The following GNG7 variants were observed in gnomAD, a reference collection of about 807,000 sequenced individuals.
GNG7 encodes guanine nucleotide-binding protein G(I)/G(S)/G(O) subunit gamma-7.
In GNG7, 1 loss-of-function variant was observed where a neutral mutation model predicts 4.0. The ratio of observed to expected loss-of-function variants is 0.25; its 90% CI spans 0.09 to 1.18. The LOEUF is 1.18. Ranked by LOEUF, GNG7 falls within the 50% of genes most tolerant of loss-of-function variation. The pLI is 0.50. For missense variants in GNG7, 86 were observed against 91.9 expected (o/e 0.94, Z 0.26); for synonymous variants, 34 against 36.9 (o/e 0.92, Z 0.29).
chr19:2,635,408 C>T (rs1006459892), intron 2 of GNG7, among the ~76,000 whole-genome samples: 3 of 152,196 alleles, frequency 2.0e-5, no homozygotes, highest in East Asian at 1.9e-4. Flanking sequence ...TCAGACACCA[C>T]GACAAACTCC....
intron 1 of GNG7, among the ~76,000 whole-genome samples, chr19:2,682,208 C>A (rs767185461): frequency 1.1e-4 from 16 of 152,094 alleles, no homozygotes; most frequent in Non-Finnish European, 1.8e-4. Context: ...CGCGCCCGGC[C>A]TGAAGCTGAT....
rs562102866 is a variant in GNG7 at position 2,696,316 on chromosome 19, A to T, written c.-135+6330T>A. Among the ~76,000 whole-genome samples, 433 of 144,560 alleles carry T rather than the reference A, an allele frequency of 3.0e-3. 4 individuals are homozygous for T. The highest frequency in any genetic ancestry group is 4.5e-3 in the Non-Finnish European group (304 of 67,190). The allele number at this position is 144,560 out of a possible 152,430, so 94.8% of individuals were successfully genotyped here. A position where few individuals can be genotyped will look rare whatever the true frequency, so the allele number is the denominator to read the frequency against. On this transcript the variant is annotated intron_variant, in intron 1 of 4. Transcript: ENST00000382159. ...AGAGAAAGAAAGAAAGAAAGAAAGA[A>T]AGAAAGAAAGAAAGAAAGAAAGAAA...
chr19:2,638,138 G>A (rs1388622634), intron 2 of GNG7, among the ~76,000 whole-genome samples: 1 of 151,696 alleles, frequency 6.6e-6, no homozygotes, highest in Non-Finnish European at 1.5e-5. Context: ...GCCGAGGCAG[G>A]TGGATCACGA....
chr19:2,527,828 C>T lies in GNG7; in HGVS notation c.-37-7103G>A, dbSNP rs921900429. Among the ~76,000 whole-genome samples, 3 of 151,892 alleles carry T rather than the reference C, an allele frequency of 2.0e-5. No homozygotes were observed. The East Asian group carries it at 5.8e-4, about 29-fold the overall frequency. On this transcript the variant is annotated intron_variant, in intron 3 of 4. Transcript: ENST00000382159. The stretch of plus-strand genomic sequence containing the variant: ...CATGACCAGCACAAATGTCCCCAGA[C>T]TTGGACAGGTGTCCCCTGGGGGAAA...
rs1981751915 is a variant in GNG7, at chr19:2,617,459, G to T, written c.-78+28765C>A. On this transcript the variant is annotated intron_variant, in intron 2 of 4. Coordinates refer to ENST00000382159, the MANE Select transcript of GNG7 (RefSeq NM_052847.3). The surrounding 1 kb of genome is among the most constrained non-coding windows in gnomAD (Gnocchi z 4.7). ...GGTCACCTCAGACCAAGGACATTCT[G>T]CCATGATGCTTCAGACTGTTCTTCT... 1.3e-5 allele frequency among the ~76,000 whole-genome samples: 2 copies of T among 152,128 alleles called. No homozygotes were observed. Among genetic ancestry groups the T allele is most frequent in the African/African-American group, 4.8e-5 (2 of 41,430 alleles).
Position 2,512,178 on chromosome 19 carries a change from C to T in GNG7, c.*2844G>A. ...CCAAGGCTAGAGCTGCTGCTGCCAC[C>T]CCCGCCCGCCAGCTCCCCGTCTGGA... is the stretch of plus-strand genomic sequence containing the variant. On this transcript the variant is annotated 3_prime_UTR_variant, in exon 5 of 5. Coordinates refer to ENST00000382159, the MANE Select transcript of GNG7 (RefSeq NM_052847.3). This position sits in a 1 kb window ranked among gnomAD's most constrained non-coding sequence, Gnocchi z 4.7. 1 of 985,890 alleles carries T rather than the reference C, an allele frequency of 1.0e-6. No individual in the cohort carries two copies. Among genetic ancestry groups the T allele is most frequent in the Non-Finnish European group, 1.2e-6 (1 of 829,976 alleles). 61.1% of individuals were successfully genotyped at this position (985,890 alleles called of 1,614,324 possible).
chr19:2,606,215 C>CA (rs1206747393), intron 2 of GNG7, among the ~76,000 whole-genome samples: 11 of 151,680 alleles, frequency 7.3e-5, no homozygotes, highest in Admixed American at 6.6e-5. Flanking sequence ...CCCATCTCTA[C>CA]AAAAAATACA....
intron 2 of GNG7, chr19:2,643,747 C>A: frequency 2.4e-6 from 1 of 414,592 alleles, no homozygotes; most frequent in South Asian, 1.8e-5. Context: ...ACTGGGCACG[C>A]TAATCTTCAA....
At position 2,661,281 on chromosome 19, in the gene GNG7, A is replaced by AGGAAGGAAGGAAG. The variant is rs1191625207; in HGVS notation, c.-134-15002_-134-15001insCTTCCTTCCTTCC. Among the ~76,000 whole-genome samples the AGGAAGGAAGGAAG allele has an allele frequency of 5.2e-3, 369 of 70,432 alleles. 3 individuals carry two copies. Among genetic ancestry groups the AGGAAGGAAGGAAG allele is most frequent in the Non-Finnish European group, 7.6e-3 (295 of 38,848 alleles). The allele number at this position is 70,432 out of a possible 152,430, so 46.2% of individuals were successfully genotyped here. A position where few individuals can be genotyped will look rare whatever the true frequency, so the allele number is the denominator to read the frequency against. ...AGAAAGAAAGAAAGAAAAGAAAGAA[A>AGGAAGGAAGGAAG]GAAAGAAAGAAAGAAAGAAAGAGAA... is the stretch of plus-strand genomic sequence containing the variant. On this transcript the variant is annotated intron_variant, in intron 1 of 4. Transcript: ENST00000382159.
At chr19:2,578,804 A>G (rs1257933941) in intron 2 of GNG7, among the ~76,000 whole-genome samples, 2 of 152,210 alleles carry the variant, frequency 1.3e-5, no homozygotes, top group Non-Finnish European at 2.9e-5. Flanking sequence ...CCAAATGTTA[A>G]CATGCACAAG....
intron 4 of GNG7, among the ~76,000 whole-genome samples, chr19:2,518,988 G>A (rs962455113): frequency 8.6e-5 from 13 of 151,606 alleles, no homozygotes. Context: ...AGTAGAGATG[G>A]GGTTTCACCA....
intron 1 of GNG7, among the ~76,000 whole-genome samples, chr19:2,677,192 T>C (rs1226541138): frequency 6.6e-6 from 1 of 151,850 alleles, no homozygotes; most frequent in East Asian, 1.9e-4. Flanking sequence ...GAGCTCGGTG[T>C]TGGAGCATGG....
chr19:2,619,259 T>G (rs1309632081), intron 2 of GNG7, among the ~76,000 whole-genome samples: 1 of 152,210 alleles, frequency 6.6e-6, no homozygotes, highest in African/African-American at 2.4e-5. Flanking sequence ...GGACCACATC[T>G]AGCTGACTGT....
intron 3 of GNG7, among the ~76,000 whole-genome samples, chr19:2,533,911 G>A (rs1342544838): frequency 6.6e-6 from 1 of 152,186 alleles, no homozygotes; most frequent in Non-Finnish European, 1.5e-5. Flanking sequence ...AAACACACAT[G>A]AATCATATCA....
intron 1 of GNG7, among the ~76,000 whole-genome samples, chr19:2,663,394 C>T (rs1218442587): frequency 6.6e-6 from 1 of 150,886 alleles, no homozygotes; most frequent in African/African-American, 2.4e-5. Context: ...CATATATGTG[C>T]TCTTTTGCCC....
intron 1 of GNG7, among the ~76,000 whole-genome samples, chr19:2,676,695 T>C (rs1257118129): frequency 6.6e-6 from 1 of 152,154 alleles, no homozygotes; most frequent in Non-Finnish European, 1.5e-5. Context: ...GGATTACAGG[T>C]GTGAGGCATC....
At chr19:2,598,671 GTAA>G (rs1217482471) in intron 2 of GNG7, among the ~76,000 whole-genome samples, 2 of 120,072 alleles carry the variant, frequency 1.7e-5, no homozygotes, top group African/African-American at 6.6e-5. Flanking sequence ...AAAATGAAAA[GTAA>G]TAAAATAATA....
intron 2 of GNG7, among the ~76,000 whole-genome samples, chr19:2,598,154 C>A (rs1480155017): frequency 6.6e-6 from 1 of 152,140 alleles, no homozygotes; most frequent in Non-Finnish European, 1.5e-5. Context: ...CGACTCTACG[C>A]TGCATGCTTG....
intron 1 of GNG7, among the ~76,000 whole-genome samples, chr19:2,694,610 G>A (rs1453519841): frequency 6.6e-6 from 1 of 151,992 alleles, no homozygotes; most frequent in Non-Finnish European, 1.5e-5. Context: ...GGCAGACAGT[G>A]TAAATCAGGG....
Sources: allele counts gnomAD v4.1 joint callset (sites outside exome capture counted in the v4.1 genomes callset), GRCh38; gene constraint gnomAD v4.1.1; non-coding constraint Gnocchi (gnomAD v3.1); transcripts MANE v1.5; gene names NCBI Gene and HGNC (gene_info 2026-07-23, HGNC 2026-07-21).